Variants in DAB1 observed in about 807,000 individuals in gnomAD.
DAB1 encodes the protein DAB adaptor protein 1.
Under a neutral mutation model 64.6 loss-of-function variants are expected in DAB1, and 15 were observed. The ratio of observed to expected loss-of-function variants is 0.23; its 90% CI spans 0.16 to 0.36. The LOEUF is 0.36. DAB1 is among the 10% of genes least tolerant of loss of function. The probability of loss-of-function intolerance (pLI) is 1.00; values close to 1 mark genes in which losing one functional copy is unlikely to be tolerated. For synonymous variants in DAB1, 235 were observed against 251.9 expected, an observed-to-expected ratio of 0.93 and a Z score of 0.64; for missense variants, 596 against 706.7, an observed-to-expected ratio of 0.84 and a Z score of 1.78.
At chr1:57,954,292 T>C (rs371196168) in intron 5 of DAB1, among the ~76,000 whole-genome samples, 1 of 152,172 alleles carries the variant, frequency 6.6e-6, no homozygotes. Flanking sequence ...GCACCAATCA[T>C]AGGTGCCATG....
intron 4 of DAB1, among the ~76,000 whole-genome samples, chr1:58,266,943 G>C (rs1661182008): frequency 6.6e-6 from 1 of 151,960 alleles, no homozygotes. Context: ...AAGTAGGCTG[G>C]GCGCGGTGGC....
chr1:57,204,142 A>G (rs1023866983), intron 2 of DAB1, among the ~76,000 whole-genome samples: 1 of 152,112 alleles, frequency 6.6e-6, no homozygotes, highest in African/African-American at 2.4e-5. Context: ...TGCCCACCTT[A>G]GCTTCACAAA....
intron 14 of DAB1, among the ~76,000 whole-genome samples, chr1:57,000,308 T>C (rs905988185): frequency 1.2e-4 from 18 of 152,084 alleles, no homozygotes; most frequent in Admixed American, 3.9e-4. Flanking sequence ...CCTCCCAAAG[T>C]GCTGAGATTA....
At chr1:57,868,130 T>G (rs978567123) in intron 1 of DAB1, among the ~76,000 whole-genome samples, 2 of 152,114 alleles carry the variant, frequency 1.3e-5, no homozygotes, top group African/African-American at 4.8e-5. Context: ...GAGAAAGAAG[T>G]GATTAGGTAA....
intron 3 of DAB1, among the ~76,000 whole-genome samples, chr1:58,497,128 A>T (rs1645816029): frequency 6.6e-6 from 1 of 152,222 alleles, no homozygotes; most frequent in South Asian, 2.1e-4. Context: ...ATATATAGAA[A>T]CAAGTTAGAA....
intron 3 of DAB1, chr1:58,481,298 G>GTT: frequency 7.3e-6 from 3 of 411,962 alleles, no homozygotes; most frequent in Non-Finnish European, 1.3e-5. Flanking sequence ...TTAATAAAAG[G>GTT]TATCTTGATT....
chr1:57,710,073 A>T (rs995878483), intron 6 of DAB1, among the ~76,000 whole-genome samples: 1 of 152,036 alleles, frequency 6.6e-6, no homozygotes, highest in Non-Finnish European at 1.5e-5. Context: ...TATCTTCCTA[A>T]ATAATTTTTT....
At chr1:58,518,655 G>A (rs1034251731) in intron 2 of DAB1, among the ~76,000 whole-genome samples, 3 of 151,518 alleles carry the variant, frequency 2.0e-5, no homozygotes, top group South Asian at 2.1e-4. Flanking sequence ...AGGACTCCAG[G>A]GTTTTTTTTC....
At chr1:57,014,162 G>A (rs967629265) in intron 12 of DAB1, among the ~76,000 whole-genome samples, 1 of 152,188 alleles carries the variant, frequency 6.6e-6, no homozygotes, top group African/African-American at 2.4e-5. Context: ...CACAGATGAG[G>A]AAACCAAGGC....
At chr1:58,129,209 T>C (rs1022108387) in intron 5 of DAB1, among the ~76,000 whole-genome samples, 100 of 151,766 alleles carry the variant, frequency 6.6e-4, no homozygotes, top group South Asian at 1.3e-3. Context: ...TCCAGGAATT[T>C]ATCCATTTCT....
chr1:57,233,364 G>T (rs539692421), intron 2 of DAB1, among the ~76,000 whole-genome samples: 1 of 140,024 alleles, frequency 7.1e-6, no homozygotes, highest in Non-Finnish European at 1.5e-5. Context: ...CCGGGTTCAC[G>T]CCATTCTCCT....
chr1:57,531,544 A>G (rs1404387), intron 7 of DAB1, among the ~76,000 whole-genome samples: 1 of 152,144 alleles, frequency 6.6e-6, no homozygotes, highest in Non-Finnish European at 1.5e-5. Flanking sequence ...AAGGAAGAGA[A>G]GTAATCAGAA....
intron 7 of DAB1, among the ~76,000 whole-genome samples, chr1:57,432,261 T>C (rs1685545796): frequency 6.6e-6 from 1 of 152,188 alleles, no homozygotes; most frequent in Non-Finnish European, 1.5e-5. Flanking sequence ...GTTGTCTGCC[T>C]CTCTGGGGCC....
At chr1:58,063,460 G>A (rs1028236076) in intron 5 of DAB1, among the ~76,000 whole-genome samples, 13 of 152,186 alleles carry the variant, frequency 8.5e-5, no homozygotes, top group Admixed American at 2.6e-4. Context: ...AAAGTCCAGT[G>A]TATAGCCCGG....
At chr1:57,556,630 T>C (rs1644992174) in intron 7 of DAB1, among the ~76,000 whole-genome samples, 1 of 152,198 alleles carries the variant, frequency 6.6e-6, no homozygotes, top group African/African-American at 2.4e-5. Flanking sequence ...TGAGATTGTT[T>C]GGTTTTTTCT....
intron 2 of DAB1, among the ~76,000 whole-genome samples, chr1:57,284,960 C>A (rs531610163): frequency 2.6e-5 from 4 of 152,230 alleles, no homozygotes; most frequent in Non-Finnish European, 5.9e-5. Flanking sequence ...GCCCTGTGAT[C>A]ACTGACTTCT....
intron 7 of DAB1, among the ~76,000 whole-genome samples, chr1:57,510,708 C>T (rs1373973672): frequency 5.9e-5 from 9 of 152,094 alleles, no homozygotes. Context: ...CCTTTTTTCA[C>T]ATTCTTTCTG....
At chr1:57,452,867 GGAAA>G (rs1686439464) in intron 7 of DAB1, among the ~76,000 whole-genome samples, 1 of 150,460 alleles carries the variant, frequency 6.6e-6, no homozygotes, top group Non-Finnish European at 1.5e-5. Context: ...AAAGGAGGAA[GGAAA>G]GAAGAGAGAA....
intron 6 of DAB1, among the ~76,000 whole-genome samples, chr1:57,676,050 G>T (rs2101690330): frequency 6.6e-6 from 1 of 152,312 alleles, no homozygotes; most frequent in East Asian, 1.9e-4. Flanking sequence ...TACAACTGAG[G>T]CTATCCTGGG....
Sources: gnomAD v4.1 joint callset for allele counts (sites outside exome capture counted in the v4.1 genomes callset) on GRCh38, gnomAD v4.1.1 for gene constraint, MANE v1.5 for transcripts, NCBI Gene and HGNC (gene_info 2026-07-23, HGNC 2026-07-21) for gene names.